The following ANKRD18A variants were observed in gnomAD, a reference collection of about 807,000 sequenced individuals.
ANKRD18A encodes the protein ankyrin repeat domain-containing protein 18A.
Under a neutral mutation model 110.6 loss-of-function variants are expected in ANKRD18A, and 72 were observed. The observed-to-expected ratio is 0.65, with a 90% CI of 0.54 to 0.79. ANKRD18A has a LOEUF of 0.79. Among genes scored for constraint, ANKRD18A ranks in the 30% least tolerant of loss-of-function variants. The pLI, the probability that ANKRD18A is intolerant of heterozygous loss-of-function variation, is 0.00. For missense variants in ANKRD18A, 934 were observed against 1,163.3 expected, an observed-to-expected ratio of 0.80 and a Z score of 2.87; for synonymous variants, 305 against 410.3, an observed-to-expected ratio of 0.74 and a Z score of 3.10.
chr9:38,595,262 C>T (rs1824821491), intron 9 of ANKRD18A, among the ~76,000 whole-genome samples: 1 of 152,084 alleles, frequency 6.6e-6, no homozygotes, highest in Non-Finnish European at 1.5e-5. Context: ...TCCCTAATGC[C>T]CATTAGCAGT....
chr9:38,573,586 A>T (rs62541426), intron 15 of ANKRD18A, among the ~76,000 whole-genome samples: 3,751 of 152,164 alleles, frequency 0.025, 73 homozygotes, highest in Non-Finnish European at 0.04. Flanking sequence ...GTGGTGGTGC[A>T]TGCCTCTAGT....
chr9:38,575,091 C>G (rs951915476), intron 15 of ANKRD18A, among the ~76,000 whole-genome samples: 4 of 118,178 alleles, frequency 3.4e-5, no homozygotes, highest in Non-Finnish European at 5.0e-5. Flanking sequence ...AAGACACCAT[C>G]TCAAAAAAAA....
At chr9:38,571,219 C>T, downstream of ANKRD18A, 3 of 1,518,326 alleles carry the variant, frequency 2.0e-6, no homozygotes, top group South Asian at 1.2e-5. Flanking sequence ...AGAGAAAATA[C>T]ATTAGTTTAG....
At chr9:38,585,051 G>A (rs1329148783) in intron 12 of ANKRD18A, among the ~76,000 whole-genome samples, 1 of 152,264 alleles carries the variant, frequency 6.6e-6, no homozygotes, top group South Asian at 2.1e-4. Flanking sequence ...GCAGTACAAA[G>A]CTGCCTTCTG....
At chr9:38,576,272 C>A (rs142820763) in intron 14 of ANKRD18A, among the ~76,000 whole-genome samples, 2,277 of 152,270 alleles carry the variant, frequency 0.015, 22 homozygotes, top group South Asian at 0.042. Flanking sequence ...AAGTATTTGG[C>A]ACTGAGGAAT....
At chr9:38,574,597 G>A (rs1200255579) in intron 15 of ANKRD18A, among the ~76,000 whole-genome samples, 7 of 152,198 alleles carry the variant, frequency 4.6e-5, no homozygotes, top group South Asian at 2.1e-4. Context: ...GATTACAGGT[G>A]TGAGCCACCA....
chr9:38,593,667 A>T (rs1441943340), intron 10 of ANKRD18A, 93 bp downstream of exon 10: 8 of 1,194,764 alleles, frequency 6.7e-6, no homozygotes, highest in Non-Finnish European at 8.7e-6. Flanking sequence ...AAAATATAAA[A>T]TCAAGCTGTC....
intron 3 of ANKRD18A, 43 bp downstream of exon 3, chr9:38,615,551 T>C (rs762361025): frequency 4.6e-6 from 7 of 1,518,404 alleles, no homozygotes; most frequent in Admixed American, 4.7e-5. Flanking sequence ...ACTATGTCAA[T>C]ATTAAAACAA....
intron 10 of ANKRD18A, 25 bp from the exon 11 acceptor site, chr9:38,588,688 T>G: frequency 7.9e-7 from 1 of 1,264,644 alleles, no homozygotes; most frequent in Non-Finnish European, 1.0e-6. Flanking sequence ...TTTAAAATTA[T>G]TTTTGTAAAA....
chr9:38,582,086 T>C (rs530882733), intron 12 of ANKRD18A, among the ~76,000 whole-genome samples: 4 of 152,178 alleles, frequency 2.6e-5, no homozygotes, highest in African/African-American at 9.6e-5. Context: ...TGATTTCCAC[T>C]GAGGAAAGCT....
intron 1 of ANKRD18A, among the ~76,000 whole-genome samples, chr9:38,618,880 T>TAA (rs1554681082): frequency 8.0e-5 from 12 of 149,508 alleles, no homozygotes; most frequent in East Asian, 1.9e-4. Flanking sequence ...TATATATATA[T>TAA]AACACATTAT....
chr9:38,574,653 C>T (rs1823802133), intron 15 of ANKRD18A, among the ~76,000 whole-genome samples: 1 of 152,120 alleles, frequency 6.6e-6, no homozygotes, highest in East Asian at 1.9e-4. Context: ...GGAAATGAAC[C>T]TTTCAGTGTT....
intron 5 of ANKRD18A, among the ~76,000 whole-genome samples, 199 bp downstream of exon 5, chr9:38,610,074 G>C (rs1429324248): frequency 2.0e-5 from 3 of 152,164 alleles, no homozygotes; most frequent in Non-Finnish European, 4.4e-5. Flanking sequence ...TAAAAGTCCG[G>C]AAAGAATCTT....
At chr9:38,566,163 T>C in the ANKRD18A span, 3,534 of 110,356 alleles carry the variant, frequency 0.032, no homozygotes, top group African/African-American at 0.053. Flanking sequence ...CTGTCCCTGA[T>C]CCCATGAATC....
chr9:38,577,866 C>T lies in ANKRD18A; in HGVS notation c.2529+1G>A. The T allele has an allele frequency of 6.3e-7, 1 of 1,583,072 alleles. No homozygotes were observed. The highest frequency in any genetic ancestry group is 1.2e-5 in the South Asian group (1 of 84,962). On this transcript the variant is annotated splice_donor_variant, in intron 13 of 15. Coordinates refer to ENST00000399703, the MANE Select transcript of ANKRD18A (RefSeq NM_147195.4). LOFTEE classifies it high-confidence loss of function. ...AAACTTACCTGATTTTAAAAACTAA[C>T]CTGTAAATGGATTTCTTCTAATTTT... is the stretch of plus-strand genomic sequence containing the variant.
At chr9:38,588,220 G>A (rs1400205030) in intron 11 of ANKRD18A, among the ~76,000 whole-genome samples, 3 of 152,074 alleles carry the variant, frequency 2.0e-5, no homozygotes, top group Admixed American at 2.0e-4. Context: ...CGCCCCAGCA[G>A]CTCAGCTGAC....
chr9:38,587,443 T>C (rs1183853743), intron 11 of ANKRD18A, among the ~76,000 whole-genome samples: 25 of 152,166 alleles, frequency 1.6e-4, no homozygotes, highest in Non-Finnish European at 2.4e-4. Flanking sequence ...CTTTAGGTTA[T>C]ACTTTTTTAT....
rs1275423484 is a variant in ANKRD18A, at chr9:38,601,200, T to A, written c.867A>T (p.Glu289Asp). The change falls in exon 8 of 16, where the codon GAA becomes GAT. Residue 289 changes from glutamate to aspartate, a missense_variant. Physicochemically the swap from Glu to Asp is conservative, Grantham distance 45. Transcript: ENST00000399703. ...LKKRKERAKA[E>D]HNLKVASEEK... ...CCTCTGAAGCCACTTTTAGGTTGTGTTCTGCTGACAAATCCATATGTTTAG... is the reference window on the plus strand; with the variant it reads ...CCTCTGAAGCCACTTTTAGGTTGTGATCTGCTGACAAATCCATATGTTTAG... The A allele has an allele frequency of 6.4e-7, 1 of 1,555,980 alleles. No individual in the cohort carries two copies. The highest frequency in any genetic ancestry group is 1.2e-5 in the South Asian group (1 of 84,316).
intron 11 of ANKRD18A, among the ~76,000 whole-genome samples, chr9:38,587,900 C>A (rs1202270628): frequency 6.6e-6 from 1 of 152,092 alleles, no homozygotes; most frequent in Non-Finnish European, 1.5e-5. Context: ...CCAGCCTGAC[C>A]AACACAGTGA....
Sources: gnomAD v4.1 joint callset for allele counts (sites outside exome capture counted in the v4.1 genomes callset) on GRCh38, gnomAD v4.1.1 for gene constraint, MANE v1.5 for transcripts, NCBI Gene and HGNC (gene_info 2026-07-23, HGNC 2026-07-21) for gene names.